Variants in SEMA3D observed in about 807,000 individuals in gnomAD.
SEMA3D encodes semaphorin-3D.
Under a neutral mutation model 100.1 loss-of-function variants are expected in SEMA3D, and 84 were observed. That is an observed-to-expected ratio of 0.84 (90% CI 0.70 to 1.01). SEMA3D has a LOEUF of 1.01. Ranked by LOEUF, SEMA3D falls within the 50% of genes least tolerant of loss-of-function variation. The probability of loss-of-function intolerance (pLI) is 0.00; values close to 1 mark genes in which losing one functional copy is unlikely to be tolerated. For synonymous variants in SEMA3D, 312 were observed against 320.7 expected, an observed-to-expected ratio of 0.97 and a Z score of 0.29; for missense variants, 875 against 934.1, an observed-to-expected ratio of 0.94 and a Z score of 0.82.
intron 13 of SEMA3D, 76 bp from the exon 14 acceptor site, chr7:85,020,397 C>A: frequency 1.1e-6 from 1 of 942,228 alleles, no homozygotes. Context: ...TAGAAACCTG[C>A]AAATCATTCC....
intron 17 of SEMA3D, among the ~76,000 whole-genome samples, chr7:85,012,446 A>T (rs1311513569): frequency 6.6e-6 from 1 of 151,840 alleles, no homozygotes; most frequent in Non-Finnish European, 1.5e-5. Flanking sequence ...GTTTACTCTA[A>T]ATGTCCAAAT....
intron 3 of SEMA3D, among the ~76,000 whole-genome samples, chr7:85,116,149 T>C (rs1362766662): frequency 6.6e-6 from 1 of 151,024 alleles, no homozygotes; most frequent in East Asian, 1.9e-4. Context: ...AAACTTGTTT[T>C]CTATTATCAA....
chr7:85,116,928 T>C (rs1166107066), intron 3 of SEMA3D, among the ~76,000 whole-genome samples: 1 of 152,182 alleles, frequency 6.6e-6, no homozygotes, highest in African/African-American at 2.4e-5. Flanking sequence ...TGTGGCTGTT[T>C]GTGTTTTACA....
At chr7:85,248,670 G>A in the SEMA3D span, among the ~76,000 whole-genome samples, 2 of 152,128 alleles carry the variant, frequency 1.3e-5, no homozygotes, top group Non-Finnish European at 2.9e-5. Context: ...ATCCAGTCAT[G>A]AAAAGACATG....
chr7:85,174,628 A>T (rs1274514162), intron 1 of SEMA3D, among the ~76,000 whole-genome samples: 2 of 152,152 alleles, frequency 1.3e-5, no homozygotes, highest in African/African-American at 4.8e-5. Context: ...ATCTTGTGGC[A>T]CTAGAAGTAA....
At chr7:85,050,727 T>C (rs369662848) in intron 9 of SEMA3D, 1 of 523,116 alleles carries the variant, frequency 1.9e-6, no homozygotes. Context: ...AGAAATAAGA[T>C]CAATCTTCAA....
chr7:85,182,983 T>C (rs1791444457), intron 1 of SEMA3D, among the ~76,000 whole-genome samples: 1 of 152,188 alleles, frequency 6.6e-6, no homozygotes, highest in Admixed American at 6.5e-5. Flanking sequence ...CAGCAATGTA[T>C]TGAACCGCCC....
intron 1 of SEMA3D, among the ~76,000 whole-genome samples, chr7:85,172,614 CT>C (rs779336680): frequency 5.9e-5 from 9 of 152,154 alleles, no homozygotes; most frequent in Non-Finnish European, 1.0e-4. Context: ...AAACTTGCTT[CT>C]TGAGGGATGA....
At chr7:85,027,799 A>T (rs1790431921) in intron 12 of SEMA3D, 2 of 450,762 alleles carry the variant, frequency 4.4e-6, no homozygotes, top group Admixed American at 5.2e-5. Context: ...TCACTTTGAA[A>T]TCTGAGCTGA....
intron 3 of SEMA3D, among the ~76,000 whole-genome samples, chr7:85,100,549 AAG>A (rs1788713827): frequency 6.6e-6 from 1 of 151,890 alleles, no homozygotes; most frequent in African/African-American, 2.4e-5. Context: ...CATTATTTAA[AAG>A]TAGCCTATTA....
intron 10 of SEMA3D, 74 bp from the exon 11 acceptor site, chr7:85,040,816 G>GGTCATATCTAGAT: frequency 1.4e-6 from 1 of 708,674 alleles, no homozygotes. Flanking sequence ...TAACACAACT[G>GGTCATATCTAGAT]AAACTCTGAA....
chr7:85,141,448 T>A lies in SEMA3D; in HGVS notation c.-41+12160A>T, dbSNP rs551677024. The A allele has an allele frequency of 1.6e-4, 155 of 985,034 alleles. No individual in the cohort carries two copies. The African/African-American group carries it at 2.5e-3, about 16-fold the overall frequency. The allele number at this position is 985,034 out of a possible 1,614,324, so 61.0% of individuals were successfully genotyped here. A position where few individuals can be genotyped will look rare whatever the true frequency, so the allele number is the denominator to read the frequency against. On this transcript the variant is annotated intron_variant, in intron 2 of 18. Transcript: ENST00000284136. ...CTGTGCTAATATTTAAAAAAAAGAT[T>A]GGTGTCTTGATCTTTCTCCACTGGA...
the SEMA3D span, among the ~76,000 whole-genome samples, chr7:85,234,682 G>A: frequency 6.6e-6 from 1 of 152,164 alleles, no homozygotes; most frequent in Non-Finnish European, 1.5e-5. Flanking sequence ...GATATCCAGT[G>A]TAAAATTAGT....
At chr7:85,240,650 T>C in the SEMA3D span, among the ~76,000 whole-genome samples, 1 of 152,190 alleles carries the variant, frequency 6.6e-6, no homozygotes, top group Non-Finnish European at 1.5e-5. Context: ...AAGTTGTTAA[T>C]TATTGATTAA....
chr7:85,178,170 G>A (rs915913860), intron 1 of SEMA3D, among the ~76,000 whole-genome samples: 1 of 152,168 alleles, frequency 6.6e-6, no homozygotes, highest in Non-Finnish European at 1.5e-5. Context: ...TCTTTCCTTA[G>A]AAATTACCCA....
At chr7:85,127,884 C>T (rs575069618) in intron 2 of SEMA3D, among the ~76,000 whole-genome samples, 1 of 152,044 alleles carries the variant, frequency 6.6e-6, no homozygotes, top group Admixed American at 6.6e-5. Flanking sequence ...CTTTTCATGA[C>T]CCAGATAATC....
chr7:85,130,230 A>G (rs1330193037), intron 2 of SEMA3D, among the ~76,000 whole-genome samples: 1 of 152,172 alleles, frequency 6.6e-6, no homozygotes, highest in African/African-American at 2.4e-5. Context: ...CTCAGCAACT[A>G]TCAATAACTA....
intron 2 of SEMA3D, among the ~76,000 whole-genome samples, chr7:85,136,227 T>C (rs996953826): frequency 1.4e-4 from 22 of 152,148 alleles, no homozygotes; most frequent in African/African-American, 5.1e-4. Context: ...GAAAAAGATA[T>C]CTTTCTATCC....
At chr7:85,014,322 T>C (rs1285507899) in intron 16 of SEMA3D, among the ~76,000 whole-genome samples, 1 of 151,828 alleles carries the variant, frequency 6.6e-6, no homozygotes, top group Non-Finnish European at 1.5e-5. Context: ...ATAATTAACA[T>C]AGTATATTTA....
Sources: gnomAD v4.1 joint callset for allele counts (sites outside exome capture counted in the v4.1 genomes callset) on GRCh38, gnomAD v4.1.1 for gene constraint, MANE v1.5 for transcripts, NCBI Gene and HGNC (gene_info 2026-07-23, HGNC 2026-07-21) for gene names.